TMEFF2: variants seen among roughly 807,000 people sequenced by gnomAD.
TMEFF2 encodes transmembrane protein with EGF like and two follistatin like domains 2, also known as tomoregulin-2.
A neutral mutation model predicts 53.8 loss-of-function variants in TMEFF2; 28 were observed. That is an observed-to-expected ratio of 0.52 (90% confidence interval 0.39 to 0.71). The LOEUF is 0.71. Ranked by LOEUF, TMEFF2 falls within the 30% of genes least tolerant of loss-of-function variation. TMEFF2 has a pLI of 0.00. For synonymous variants in TMEFF2, 162 were observed against 166.3 expected (o/e 0.97, Z 0.20); for missense variants, 353 against 455.2 (o/e 0.78, Z 2.04).
intron 2 of TMEFF2, among the ~76,000 whole-genome samples, chr2:192,186,742 T>C (rs1444171577): frequency 6.6e-6 from 1 of 152,146 alleles, no homozygotes; most frequent in Non-Finnish European, 1.5e-5. Context: ...GTATGTAGAT[T>C]ATTTGGGTCC....
chr2:192,176,489 C>A (rs1022279504), intron 4 of TMEFF2, among the ~76,000 whole-genome samples: 3 of 151,248 alleles, frequency 2.0e-5, no homozygotes, highest in Non-Finnish European at 4.4e-5. Flanking sequence ...GTATTTGTAT[C>A]TTATTACTCT....
At chr2:192,080,248 C>G (rs528997177) in intron 4 of TMEFF2, among the ~76,000 whole-genome samples, 1 of 152,254 alleles carries the variant, frequency 6.6e-6, no homozygotes, top group African/African-American at 2.4e-5. Flanking sequence ...TCCCCATAAT[C>G]CCCACGTGTC....
chr2:192,127,684 G>A (rs199599266), intron 4 of TMEFF2, among the ~76,000 whole-genome samples: 1 of 122,728 alleles, frequency 8.1e-6, no homozygotes, highest in Non-Finnish European at 1.8e-5. Context: ...TTATGTAACT[G>A]TTTGTTTTAT....
chr2:192,192,927 T>C (rs750537251), intron 1 of TMEFF2, among the ~76,000 whole-genome samples: 1 of 152,218 alleles, frequency 6.6e-6, no homozygotes, highest in Admixed American at 6.5e-5. Flanking sequence ...ATGTTGAGTT[T>C]TATTAAAATG....
chr2:192,131,725 T>C (rs1213645581), intron 4 of TMEFF2, among the ~76,000 whole-genome samples: 1 of 152,062 alleles, frequency 6.6e-6, no homozygotes, highest in Non-Finnish European at 1.5e-5. Context: ...CTCCTCCTTC[T>C]CCCTTAGCCT....
chr2:192,123,883 T>G (rs994063740), intron 4 of TMEFF2, among the ~76,000 whole-genome samples: 5 of 152,258 alleles, frequency 3.3e-5, no homozygotes, highest in Non-Finnish European at 7.3e-5. Context: ...TGATGCTGAT[T>G]TCATTTTGAT....
intron 4 of TMEFF2, among the ~76,000 whole-genome samples, chr2:192,167,965 A>G (rs1011941146): frequency 5.9e-5 from 9 of 152,272 alleles, no homozygotes; most frequent in Non-Finnish European, 4.4e-5. Context: ...TTTAACAAGT[A>G]TTTAACAAGC....
At chr2:192,102,628 T>TC (rs1408526139) in intron 4 of TMEFF2, among the ~76,000 whole-genome samples, 2 of 143,776 alleles carry the variant, frequency 1.4e-5, no homozygotes, top group Non-Finnish European at 3.1e-5. Context: ...TTCTTGTTCT[T>TC]TTTTTTTTTT....
chr2:192,037,338 A>AAGAAAGAAAGAAAGAAAAG, intron 5 of TMEFF2, among the ~76,000 whole-genome samples: 1 of 147,718 alleles, frequency 6.8e-6, no homozygotes, highest in Non-Finnish European at 1.5e-5. Context: ...AGAAAGAAAA[A>AAGAAAGAAAGAAAGAAAAG]CAGAAAACAG....
intron 5 of TMEFF2, chr2:192,037,842 T>C (rs1432553611): frequency 6.6e-6 from 1 of 152,186 alleles, no homozygotes; most frequent in African/African-American, 2.4e-5. Context: ...AGTTTTTCTG[T>C]CTTAATTCTA....
chr2:192,108,163 T>C (rs1219236007), intron 4 of TMEFF2, among the ~76,000 whole-genome samples: 1 of 151,826 alleles, frequency 6.6e-6, no homozygotes, highest in Non-Finnish European at 1.5e-5. Flanking sequence ...AACTCTGATA[T>C]TTTCCATAGA....
At chr2:191,962,190 T>C (rs962204540) in intron 7 of TMEFF2, among the ~76,000 whole-genome samples, 1 of 152,196 alleles carries the variant, frequency 6.6e-6, no homozygotes, top group African/African-American at 2.4e-5. Flanking sequence ...TCTATTTTTT[T>C]CAGAAAAATA....
chr2:192,187,952 T>C lies in TMEFF2; in HGVS notation c.283-3469A>G, dbSNP rs75508115. ...CATCTAGAAGCTTATGTATGACTTATGTTTTATATATTGCCAGCACCTTCC... is the reference window on the plus strand; with the variant it reads ...CATCTAGAAGCTTATGTATGACTTACGTTTTATATATTGCCAGCACCTTCC... On this transcript the variant is annotated intron_variant, in intron 2 of 9. Transcript: ENST00000272771. 1.1e-4 allele frequency among the ~76,000 whole-genome samples: 17 copies of C among 152,314 alleles called. No homozygotes were observed. The East Asian group carries it at 3.1e-3, about 28-fold the overall frequency.
At chr2:191,956,159 C>G in intron 8 of TMEFF2, 96 bp downstream of exon 8, 1 of 1,365,518 alleles carries the variant, frequency 7.3e-7, no homozygotes, top group Non-Finnish European at 9.8e-7. Context: ...ATTACCCATT[C>G]AAGAAGAATG....
chr2:191,977,369 C>A (rs1685755132), intron 7 of TMEFF2, among the ~76,000 whole-genome samples: 1 of 152,202 alleles, frequency 6.6e-6, no homozygotes, highest in Admixed American at 6.5e-5. Flanking sequence ...TATGGGCAGT[C>A]CCACTGCCAG....
chr2:192,101,119 C>T (rs1272549554), intron 4 of TMEFF2, among the ~76,000 whole-genome samples: 1 of 152,068 alleles, frequency 6.6e-6, no homozygotes, highest in Non-Finnish European at 1.5e-5. Context: ...GTTAAGTATA[C>T]CATGAAAAAG....
At chr2:191,950,552 T>C in intron 9 of TMEFF2, 145 bp from the exon 10 acceptor site, 1 of 1,249,538 alleles carries the variant, frequency 8.0e-7, no homozygotes, top group Middle Eastern at 1.9e-4. Flanking sequence ...GCTTGGATTA[T>C]TTTGGAAAAG....
chr2:191,977,733 C>T (rs184554699), intron 7 of TMEFF2, among the ~76,000 whole-genome samples: 33 of 152,242 alleles, frequency 2.2e-4, no homozygotes, highest in Non-Finnish European at 4.4e-4. Context: ...AATCTTATGA[C>T]TTGAAGTGTA....
At chr2:192,178,532 T>C (rs1045401646) in intron 4 of TMEFF2, 2 of 143,078 alleles carry the variant, frequency 1.4e-5, no homozygotes, top group African/African-American at 2.6e-5. Context: ...AGGAAAAAAA[T>C]TGTGTTTCAA....
Sources: allele counts gnomAD v4.1 joint callset (sites outside exome capture counted in the v4.1 genomes callset), GRCh38; gene constraint gnomAD v4.1.1; transcripts MANE v1.5; gene names NCBI Gene and HGNC (gene_info 2026-07-23, HGNC 2026-07-21).